Variants in CNIH3 observed in about 807,000 individuals in gnomAD.
The protein encoded by CNIH3 is protein cornichon homolog 3.
In CNIH3, 14 loss-of-function variants were observed where a neutral mutation model predicts 24.1. The ratio of observed to expected loss-of-function variants is 0.58; its 90% CI spans 0.38 to 0.91. The LOEUF is 0.91. Among genes scored for constraint, CNIH3 ranks in the 40% least tolerant of loss-of-function variants. The pLI is 0.00. For synonymous variants in CNIH3, 68 were observed against 73.8 expected (o/e 0.92, Z 0.40); for missense variants, 178 against 196.8 (o/e 0.90, Z 0.57).
chr1:224,464,327 C>G (rs980196533), intron 1 of CNIH3, among the ~76,000 whole-genome samples: 25 of 151,434 alleles, frequency 1.7e-4, no homozygotes, highest in African/African-American at 6.1e-4. Flanking sequence ...GATGGGGTCT[C>G]TATATGTTGC....
chr1:224,659,084 A>C (rs1333202474), intron 1 of CNIH3, among the ~76,000 whole-genome samples: 1 of 152,210 alleles, frequency 6.6e-6, no homozygotes. Flanking sequence ...TTGGCCTTGC[A>C]ATCTCACATG....
chr1:224,492,423 T>G lies in CNIH3; in HGVS notation n.204-23318T>G, dbSNP rs566517101. Among the ~76,000 whole-genome samples, 5 of 152,366 alleles carry G rather than the reference T, an allele frequency of 3.3e-5. No individual in the cohort carries two copies. In the South Asian group the frequency reaches 1.0e-3, roughly 32 times the overall value. Reference sequence around the variant, plus strand: ...TGTTGCAAATTTGATTTATTCAGTTTAATCTTACAGGAAAGAGGATGGATT... The same window carrying G: ...TGTTGCAAATTTGATTTATTCAGTTGAATCTTACAGGAAAGAGGATGGATT... On this transcript the variant is annotated intron_variant and non_coding_transcript_variant, in intron 1 of 5. Transcript: ENST00000471578.
chr1:224,487,700 A>T (rs1247469362), intron 1 of CNIH3, among the ~76,000 whole-genome samples: 1 of 152,220 alleles, frequency 6.6e-6, no homozygotes, highest in African/African-American at 2.4e-5. Context: ...GAAAAGCGCT[A>T]TTTGAAGCGG....
intron 2 of CNIH3, among the ~76,000 whole-genome samples, chr1:224,683,777 G>A (rs928167077): frequency 1.6e-4 from 25 of 152,216 alleles, no homozygotes; most frequent in African/African-American, 6.0e-4. Context: ...CTGGCTTGCT[G>A]GAGAAGGAGC....
chr1:224,645,833 G>A (rs1010258280), intron 1 of CNIH3, among the ~76,000 whole-genome samples: 2 of 152,104 alleles, frequency 1.3e-5, no homozygotes, highest in African/African-American at 4.8e-5. Flanking sequence ...TGGCCATCTC[G>A]CTCCAAGGGA....
In CNIH3 at chr1:224,458,820, G is replaced by C. The variant is rs532346701; in HGVS notation, n.203+23958G>C. 6.6e-6 allele frequency among the ~76,000 whole-genome samples: 1 copy of C among 152,246 alleles called. No individual in the cohort carries two copies. Among genetic ancestry groups the C allele is most frequent in the South Asian group, 2.1e-4 (1 of 4,824 alleles). ...AGGTATTCAGGGAAAGTGTCAGTGG[G>C]GTCTCCCAGTGCCTGTTTGGTCCAC... On this transcript the variant is annotated intron_variant and non_coding_transcript_variant, in intron 1 of 5. Transcript: ENST00000471578. The surrounding 1 kb of genome is among the most constrained non-coding windows in gnomAD (Gnocchi z 4.3).
chr1:224,551,454 G>A (rs192691107), intron 3 of CNIH3, among the ~76,000 whole-genome samples: 12 of 152,162 alleles, frequency 7.9e-5, no homozygotes, highest in African/African-American at 1.4e-4. Flanking sequence ...ATGATATTTC[G>A]TTAATATCAC....
intron 3 of CNIH3, among the ~76,000 whole-genome samples, chr1:224,715,850 A>G (rs1179941934): frequency 1.3e-5 from 2 of 152,174 alleles, no homozygotes; most frequent in African/African-American, 4.8e-5. Flanking sequence ...ATTAGGCCCC[A>G]CTTCCCAGTA....
chr1:224,675,175 C>G (rs1686079302), intron 1 of CNIH3, among the ~76,000 whole-genome samples: 1 of 152,052 alleles, frequency 6.6e-6, no homozygotes, highest in South Asian at 2.1e-4. Flanking sequence ...GGGTGAAATA[C>G]AAAAATAGGG....
intron 1 of CNIH3, among the ~76,000 whole-genome samples, chr1:224,480,018 T>C (rs1377571182): frequency 2.0e-5 from 3 of 152,174 alleles, no homozygotes; most frequent in African/African-American, 7.2e-5. Context: ...ACAGTGGTTC[T>C]CTATGAGGGC....
At chr1:224,599,300 T>C (rs2125039291) in intron 3 of CNIH3, among the ~76,000 whole-genome samples, 1 of 152,298 alleles carries the variant, frequency 6.6e-6, no homozygotes, top group South Asian at 2.1e-4. Flanking sequence ...TCCTCAAATA[T>C]GTGGCATCTT....
chr1:224,720,333 CTG>C (rs1277072969), intron 3 of CNIH3, among the ~76,000 whole-genome samples: 1 of 150,688 alleles, frequency 6.6e-6, no homozygotes, highest in Non-Finnish European at 1.5e-5. Flanking sequence ...CAGGTTCACT[CTG>C]TTAAGGAGCA....
Position 224,460,684 on chromosome 1 carries a change from C to T in CNIH3, n.203+25822C>T, listed in dbSNP as rs117783696. ...CCAATATTTGGCTATTAAAATAAAG[C>T]TACTCTGAACATTTGTGTATGTGCC... On this transcript the variant is annotated intron_variant and non_coding_transcript_variant, in intron 1 of 5. Transcript: ENST00000471578. Among the ~76,000 whole-genome samples the T allele has an allele frequency of 1.6e-4, 24 of 152,214 alleles. No homozygotes were observed. In the East Asian group the frequency reaches 4.4e-3, roughly 28 times the overall value.
intron 4 of CNIH3, among the ~76,000 whole-genome samples, chr1:224,731,581 C>G (rs527971972): frequency 1.3e-5 from 2 of 152,328 alleles, no homozygotes; most frequent in Admixed American, 6.5e-5. Flanking sequence ...AAGACATGCA[C>G]TCCTTCATTT....
chr1:224,600,930 C>T (rs915855024), intron 3 of CNIH3, among the ~76,000 whole-genome samples: 1 of 152,154 alleles, frequency 6.6e-6, no homozygotes, highest in Admixed American at 6.5e-5. Context: ...GGTGGCCGTC[C>T]ACCTGCTAGT....
chr1:224,551,841 G>C (rs987823973), intron 3 of CNIH3, among the ~76,000 whole-genome samples: 1 of 149,894 alleles, frequency 6.7e-6, no homozygotes, highest in African/African-American at 2.4e-5. Flanking sequence ...TTACACAGGG[G>C]GTGTACTCCC....
chr1:224,448,082 A>G (rs1322431818), intron 1 of CNIH3, among the ~76,000 whole-genome samples: 1 of 152,096 alleles, frequency 6.6e-6, no homozygotes, highest in Non-Finnish European at 1.5e-5. Context: ...GAGAAAATGG[A>G]TAAACTCAGC....
At chr1:224,515,557 G>A (rs1170725946), upstream of CNIH3, among the ~76,000 whole-genome samples, 1 of 152,162 alleles carries the variant, frequency 6.6e-6, no homozygotes, top group African/African-American at 2.4e-5. Flanking sequence ...TGTCTTGTTT[G>A]CCCTTGAAAT....
intron 1 of CNIH3, among the ~76,000 whole-genome samples, chr1:224,508,692 T>G (rs1678013931): frequency 1.3e-5 from 2 of 152,222 alleles, no homozygotes; most frequent in African/African-American, 4.8e-5. Context: ...AAATATATCT[T>G]TAATTCAACA....
Sources: gnomAD v4.1 joint callset for allele counts (sites outside exome capture counted in the v4.1 genomes callset) on GRCh38, gnomAD v4.1.1 for gene constraint, Gnocchi (gnomAD v3.1) non-coding constraint, MANE v1.5 for transcripts, NCBI Gene and HGNC (gene_info 2026-07-23, HGNC 2026-07-21) for gene names.